Variants in RABL2B observed in about 807,000 individuals in gnomAD.
The protein encoded by RABL2B is rab-like protein 2B.
In RABL2B, 17 loss-of-function variants were observed where a neutral mutation model predicts 26.7. The observed-to-expected ratio is 0.64, with a 90% CI of 0.44 to 0.95. The LOEUF (loss-of-function observed/expected upper bound fraction) is 0.95, where lower values mean the gene tolerates loss of function less well. Ranked by LOEUF, RABL2B falls within the 40% of genes least tolerant of loss-of-function variation. The pLI is 0.00. For synonymous variants in RABL2B, 70 were observed against 103.9 expected, an observed-to-expected ratio of 0.67 and a Z score of 1.99; for missense variants, 170 against 277.2, an observed-to-expected ratio of 0.61 and a Z score of 2.75.
chr22:50,781,814 C>G (rs1355653276), intron 2 of RABL2B, among the ~76,000 whole-genome samples: 5 of 150,890 alleles, frequency 3.3e-5, no homozygotes, highest in Admixed American at 6.6e-5. Context: ...CAGAGAGTCC[C>G]TCCAAGAAAG....
At position 50,769,463 on chromosome 22, in the gene RABL2B, C is replaced by T. The variant is rs782790899; in HGVS notation, c.499G>A (p.Val167Ile). 1.9e-6 allele frequency: 3 copies of T among 1,612,498 alleles called. No homozygotes were observed. Among genetic ancestry groups the T allele is most frequent in the Non-Finnish European group, 2.5e-6 (3 of 1,179,444 alleles). ...TCTGCAGTCAACCACACCTTCACAACATTGGTACCATCAGCAGCCGAGACG... is the reference window on the plus strand; with the variant it reads ...TCTGCAGTCAACCACACCTTCACAATATTGGTACCATCAGCAGCCGAGACG... ...YFVSAADGTN[V>I]VKLFNDAIRL... Residue 167 changes from valine (V) to isoleucine (I), a missense_variant, in exon 7 of 9, where the codon GTT (valine) becomes ATT (isoleucine). By Grantham distance (29) the Val-to-Ile change is conservative. Coordinates refer to ENST00000691320, the MANE Select transcript of RABL2B (RefSeq NM_001130919.3).
At chr22:50,769,232 C>T (rs2083776799) in intron 7 of RABL2B, 108 bp from the exon 8 acceptor site, 2 of 625,536 alleles carry the variant, frequency 3.2e-6, no homozygotes, top group South Asian at 2.0e-5. Flanking sequence ...AAATCAGCAA[C>T]CTTACCCCTC....
intron 5 of RABL2B, among the ~76,000 whole-genome samples, chr22:50,774,236 C>T (rs530089002): frequency 1.3e-5 from 2 of 152,252 alleles, no homozygotes; most frequent in East Asian, 3.9e-4. Flanking sequence ...TGGTGGCAAC[C>T]TGTCCATCCC....
chr22:50,774,002 C>T (rs1418038130), intron 5 of RABL2B, among the ~76,000 whole-genome samples: 7 of 152,156 alleles, frequency 4.6e-5, no homozygotes, highest in African/African-American at 1.7e-4. Flanking sequence ...TCACGCCATT[C>T]TCCTGCCTCA....
chr22:50,771,050 T>TC (rs1555918116), intron 5 of RABL2B, among the ~76,000 whole-genome samples: 1 of 150,690 alleles, frequency 6.6e-6, no homozygotes, highest in African/African-American at 2.5e-5. Context: ...CCCTGATTTT[T>TC]TTTTTTTTTT....
intron 2 of RABL2B, among the ~76,000 whole-genome samples, chr22:50,778,350 C>T (rs112000803): frequency 1.3e-5 from 2 of 151,732 alleles, no homozygotes; most frequent in African/African-American, 2.4e-5. Flanking sequence ...CGGTGGCTCA[C>T]GCCTGTAATC....
chr22:50,770,280 T>C (rs1555917418), intron 5 of RABL2B: 8 of 479,862 alleles, frequency 1.7e-5, no homozygotes, highest in Non-Finnish European at 2.8e-5. Context: ...CTTTGGGAGG[T>C]TGAGGTGGGT....
At chr22:50,773,964 G>A (rs538071289) in intron 5 of RABL2B, among the ~76,000 whole-genome samples, 2 of 152,074 alleles carry the variant, frequency 1.3e-5, no homozygotes, top group African/African-American at 2.4e-5. Flanking sequence ...GCGTGATCTC[G>A]GCTCACTGCA....
intron 5 of RABL2B, among the ~76,000 whole-genome samples, chr22:50,773,934 G>T (rs570503699): frequency 2.6e-5 from 4 of 151,892 alleles, no homozygotes; most frequent in Non-Finnish European, 5.9e-5. Context: ...TCGCTCTGTC[G>T]CCGAGGCTGG....
At chr22:50,773,721 C>T (rs1569163385) in intron 5 of RABL2B, among the ~76,000 whole-genome samples, 1 of 151,368 alleles carries the variant, frequency 6.6e-6, no homozygotes, top group Non-Finnish European at 1.5e-5. Context: ...ATGAGCAGAA[C>T]AGAGCAGCTC....
At chr22:50,775,882 C>T in intron 4 of RABL2B, 31 bp from the exon 5 acceptor site, 1 of 1,614,156 alleles carries the variant, frequency 6.2e-7, no homozygotes, top group Non-Finnish European at 8.5e-7. Context: ...GACCTACATG[C>T]CTGGTGCACT....
chr22:50,779,663 A>G (rs1172321962), intron 2 of RABL2B, among the ~76,000 whole-genome samples: 1 of 152,038 alleles, frequency 6.6e-6, no homozygotes, highest in African/African-American at 2.4e-5. Flanking sequence ...TCTGGACCTA[A>G]CTACTCTTAA....
At chr22:50,769,621 A>G (rs1193497990) in intron 6 of RABL2B, 69 bp from the exon 7 acceptor site, 11 of 1,605,844 alleles carry the variant, frequency 6.8e-6, no homozygotes, top group Non-Finnish European at 9.4e-6. Context: ...GGGGGGGGCC[A>G]CTGGAGGCCT....
At chr22:50,777,917 CA>C (rs1253311433) in intron 3 of RABL2B, 34 bp downstream of exon 3, 1 of 1,614,026 alleles carries the variant, frequency 6.2e-7, no homozygotes, top group Admixed American at 1.7e-5. Flanking sequence ...GGAAGACCCA[CA>C]GGAACAAGGG....
chr22:50,775,983 C>T, intron 4 of RABL2B, 132 bp from the exon 5 acceptor site: 2 of 922,242 alleles, frequency 2.2e-6, no homozygotes, highest in Admixed American at 2.0e-5. Context: ...GAAACAGAGA[C>T]TATACAGCCC....
intron 5 of RABL2B, chr22:50,772,275 C>T (rs2084304960): frequency 2.5e-5 from 24 of 972,498 alleles, no homozygotes; most frequent in African/African-American, 5.3e-5. Context: ...GTGATCTGCC[C>T]GCCTAGGCCT....
chr22:50,772,976 G>A (rs1460170120), intron 5 of RABL2B: 23 of 1,289,888 alleles, frequency 1.8e-5, no homozygotes, highest in Non-Finnish European at 2.3e-5. Flanking sequence ...CTACTCGCCA[G>A]GGCCCGTGCA....
chr22:50,775,185 C>T (rs34726907), intron 5 of RABL2B, among the ~76,000 whole-genome samples: 28,606 of 152,170 alleles, frequency 0.19, 3,442 homozygotes, highest in African/African-American at 0.36. Context: ...GGAACTTCTA[C>T]AGGACACAGG....
intron 3 of RABL2B, chr22:50,777,730 T>G (rs1174389776): frequency 3.0e-6 from 2 of 660,598 alleles, no homozygotes; most frequent in African/African-American, 1.8e-5. Flanking sequence ...CCTCTTAATA[T>G]AAAACAATCC....
Sources: allele counts gnomAD v4.1 joint callset (sites outside exome capture counted in the v4.1 genomes callset), GRCh38; gene constraint gnomAD v4.1.1; transcripts MANE v1.5; gene names NCBI Gene and HGNC (gene_info 2026-07-23, HGNC 2026-07-21).